Variants in KCNT2 observed in about 807,000 individuals in gnomAD.
KCNT2 encodes the protein potassium channel subfamily T member 2.
A neutral mutation model predicts 153.8 loss-of-function variants in KCNT2; 67 were observed. That is an observed-to-expected ratio of 0.44 (90% confidence interval 0.36 to 0.53). KCNT2 has a LOEUF of 0.53. Ranked by LOEUF, KCNT2 falls within the 20% of genes least tolerant of loss-of-function variation. The pLI is 0.00. For missense variants in KCNT2, 975 were observed against 1,354.8 expected (o/e 0.72, Z 4.40); for synonymous variants, 500 against 458.8 (o/e 1.09, Z -1.15).
rs1228798740 is a variant in KCNT2, at chr1:196,398,648, T to A, written c.1209A>T (p.Ala403=). ...TSSDHQTILR[A]WAVKDFAPNC... ...TTGGAGCAAAATCTTTCACAGCCCATGCTCTCAAAATTGTTTGGTGATCCT... is the reference window on the plus strand; with the variant it reads ...TTGGAGCAAAATCTTTCACAGCCCAAGCTCTCAAAATTGTTTGGTGATCCT... Residue 403 remains alanine, a synonymous_variant, in exon 13 of 28, where the codon GCA becomes GCT. Transcript: ENST00000294725. 2 of 1,604,272 alleles carry A rather than the reference T, an allele frequency of 1.2e-6. No homozygotes were observed. Among genetic ancestry groups the A allele is most frequent in the African/African-American group, 2.7e-5 (2 of 74,630 alleles).
intron 1 of KCNT2, among the ~76,000 whole-genome samples, chr1:196,501,273 C>T (rs765897063): frequency 6.6e-6 from 1 of 152,062 alleles, no homozygotes; most frequent in Non-Finnish European, 1.5e-5. Flanking sequence ...TATTGCAGCA[C>T]TACTACCAAT....
intron 1 of KCNT2, among the ~76,000 whole-genome samples, chr1:196,530,444 C>T (rs1355263890): frequency 6.6e-6 from 1 of 151,616 alleles, no homozygotes; most frequent in African/African-American, 2.4e-5. Flanking sequence ...ATTGTAATCA[C>T]AAATAATGAT....
At chr1:196,525,152 A>C (rs997856700) in intron 1 of KCNT2, among the ~76,000 whole-genome samples, 1 of 152,170 alleles carries the variant, frequency 6.6e-6, no homozygotes, top group African/African-American at 2.4e-5. Context: ...TTGTCGAAGA[A>C]AGTGAGGGAA....
intron 8 of KCNT2, among the ~76,000 whole-genome samples, chr1:196,440,754 T>A (rs1404191555): frequency 6.6e-6 from 1 of 151,876 alleles, no homozygotes; most frequent in Non-Finnish European, 1.5e-5. Flanking sequence ...AATACAACAT[T>A]TAAAAAATTC....
chr1:196,303,548 T>G (rs1170484119), intron 22 of KCNT2, among the ~76,000 whole-genome samples: 3 of 152,162 alleles, frequency 2.0e-5, no homozygotes. Flanking sequence ...AAATATTTAT[T>G]AGTGACAATA....
intron 18 of KCNT2, among the ~76,000 whole-genome samples, chr1:196,329,435 C>G (rs1418504343): frequency 1.3e-5 from 2 of 152,028 alleles, no homozygotes; most frequent in Non-Finnish European, 2.9e-5. Context: ...CAATCCTGTT[C>G]TCTGAAAGTT....
chr1:196,317,493 A>T (rs1662840161), intron 20 of KCNT2, among the ~76,000 whole-genome samples: 1 of 151,730 alleles, frequency 6.6e-6, no homozygotes, highest in African/African-American at 2.4e-5. Flanking sequence ...TGGACCATCA[A>T]AATGACGCTT....
At chr1:196,292,957 G>C (rs940165254) in intron 22 of KCNT2, among the ~76,000 whole-genome samples, 2 of 150,014 alleles carry the variant, frequency 1.3e-5, no homozygotes, top group Non-Finnish European at 3.0e-5. Flanking sequence ...ACACATAAAA[G>C]TCAACAGTGT....
chr1:196,316,109 T>C (rs1401649751), intron 20 of KCNT2, 83 bp from the exon 21 acceptor site: 11 of 1,257,152 alleles, frequency 8.7e-6, no homozygotes, highest in African/African-American at 4.5e-5. Context: ...CACTATCCCC[T>C]GTGCTTATAT....
At chr1:196,586,444 T>G (rs1249720980) in intron 1 of KCNT2, among the ~76,000 whole-genome samples, 2 of 152,250 alleles carry the variant, frequency 1.3e-5, no homozygotes, top group East Asian at 1.9e-4. Context: ...TCAATCATTT[T>G]GGGGAAAATT....
intron 27 of KCNT2, among the ~76,000 whole-genome samples, chr1:196,229,373 A>G (rs1653752617): frequency 6.6e-6 from 1 of 152,052 alleles, no homozygotes; most frequent in Non-Finnish European, 1.5e-5. Flanking sequence ...CCATATAAGA[A>G]GGCAATTTTA....
chr1:196,387,965 G>A (rs943808235), intron 13 of KCNT2, among the ~76,000 whole-genome samples: 7 of 147,792 alleles, frequency 4.7e-5, no homozygotes, highest in South Asian at 2.1e-4. Context: ...TGTGGTTTTC[G>A]TGTGTCTCAG....
At chr1:196,607,681 T>A (rs1330474745) in intron 1 of KCNT2, among the ~76,000 whole-genome samples, 1 of 152,226 alleles carries the variant, frequency 6.6e-6, no homozygotes, top group African/African-American at 2.4e-5. Flanking sequence ...ACCAATTGTC[T>A]ACTTAAAACT....
At chr1:196,230,370 G>C (rs1653842559) in intron 27 of KCNT2, among the ~76,000 whole-genome samples, 1 of 151,956 alleles carries the variant, frequency 6.6e-6, no homozygotes, top group South Asian at 2.1e-4. Flanking sequence ...TAGGCCCATT[G>C]TTGAGACTTA....
At chr1:196,596,751 G>T (rs1200296993) in intron 1 of KCNT2, among the ~76,000 whole-genome samples, 1 of 151,970 alleles carries the variant, frequency 6.6e-6, no homozygotes, top group East Asian at 1.9e-4. Context: ...TCTCGTGCTG[G>T]CATGCAATCA....
intron 8 of KCNT2, among the ~76,000 whole-genome samples, chr1:196,451,181 G>A (rs190716351): frequency 1.5e-5 from 2 of 135,328 alleles, no homozygotes; most frequent in African/African-American, 2.7e-5. Context: ...ATAAATATTC[G>A]CATTGTTAGT....
chr1:196,350,276 T>C (rs537674771), intron 14 of KCNT2, among the ~76,000 whole-genome samples: 24 of 152,216 alleles, frequency 1.6e-4, no homozygotes, highest in East Asian at 5.8e-4. Flanking sequence ...CCTGAGGAAT[T>C]GCCACACTGA....
At chr1:196,429,964 A>G (rs1236674036) in intron 8 of KCNT2, among the ~76,000 whole-genome samples, 2 of 152,122 alleles carry the variant, frequency 1.3e-5, no homozygotes, top group African/African-American at 4.8e-5. Flanking sequence ...TTAATAGACA[A>G]AAGTGGTAGC....
At chr1:196,564,721 C>T (rs1472331910) in intron 1 of KCNT2, among the ~76,000 whole-genome samples, 1 of 151,830 alleles carries the variant, frequency 6.6e-6, no homozygotes, top group Non-Finnish European at 1.5e-5. Context: ...TGATTTTCAG[C>T]AAAGAAGACA....
Sources: gnomAD v4.1 joint callset for allele counts (sites outside exome capture counted in the v4.1 genomes callset) on GRCh38, gnomAD v4.1.1 for gene constraint, MANE v1.5 for transcripts, NCBI Gene and HGNC (gene_info 2026-07-23, HGNC 2026-07-21) for gene names.